The following LY86 variants were observed in gnomAD, a reference collection of about 807,000 sequenced individuals.
The protein encoded by LY86 is lymphocyte antigen 86, also known as MD-1, RP105-associated.
LY86 carries 20 observed loss-of-function variants against 17.3 expected under a neutral mutation model. The ratio of observed to expected loss-of-function variants is 1.15; its 90% CI spans 0.81 to 1.68. The LOEUF (loss-of-function observed/expected upper bound fraction) is 1.68. LY86 is among the 40% of genes most tolerant of loss of function. The pLI, the probability that LY86 is intolerant of heterozygous loss-of-function variation, is 0.00. For synonymous variants in LY86, 74 were observed against 70.6 expected, an observed-to-expected ratio of 1.05 and a Z score of -0.24; for missense variants, 200 against 191.9, an observed-to-expected ratio of 1.04 and a Z score of -0.25.
chr6:6,649,719 TGAAGAA>T, intron 4 of LY86, 42 bp downstream of exon 4: 1 of 1,157,948 alleles, frequency 8.6e-7, no homozygotes, highest in South Asian at 1.3e-5. Context: ...GTTTGTTTCT[TGAAGAA>T]GAAGAAGAAG....
intron 3 of LY86, among the ~76,000 whole-genome samples, chr6:6,649,331 G>A (rs889770520): frequency 1.3e-5 from 2 of 152,218 alleles, no homozygotes; most frequent in African/African-American, 4.8e-5. Context: ...GATTTGAGTG[G>A]GGACATAGCC....
intron 1 of LY86, among the ~76,000 whole-genome samples, chr6:6,621,991 T>C (rs1479984183): frequency 6.6e-6 from 1 of 151,924 alleles, no homozygotes; most frequent in Non-Finnish European, 1.5e-5. Flanking sequence ...AATGTCACTT[T>C]CCCCAAGAGG....
At chr6:6,611,177 CTTGATT>C (rs1422424193) in intron 1 of LY86, among the ~76,000 whole-genome samples, 1 of 152,186 alleles carries the variant, frequency 6.6e-6, no homozygotes, top group Non-Finnish European at 1.5e-5. Context: ...GCACAACTGA[CTTGATT>C]TTATGAAGAG....
chr6:6,600,623 AAAAAAG>A (rs1414220408), intron 1 of LY86, among the ~76,000 whole-genome samples: 2 of 116,856 alleles, frequency 1.7e-5, no homozygotes, highest in African/African-American at 6.4e-5. Flanking sequence ...AAAAAAAAAA[AAAAAAG>A]AAAATATAGC....
chr6:6,626,118 C>G (rs756933024), intron 2 of LY86, among the ~76,000 whole-genome samples, 175 bp from the exon 3 acceptor site: 8 of 152,128 alleles, frequency 5.3e-5, no homozygotes, highest in Non-Finnish European at 7.4e-5. Flanking sequence ...CATCATAATC[C>G]CCTGTAGCAT....
At chr6:6,606,407 C>T (rs1761147314) in intron 1 of LY86, among the ~76,000 whole-genome samples, 1 of 152,246 alleles carries the variant, frequency 6.6e-6, no homozygotes, top group Admixed American at 6.5e-5. Flanking sequence ...CAGCTGGCTT[C>T]ACCCACTGGA....
chr6:6,607,135 G>C (rs914792250), intron 1 of LY86, among the ~76,000 whole-genome samples: 1 of 152,260 alleles, frequency 6.6e-6, no homozygotes, highest in African/African-American at 2.4e-5. Flanking sequence ...AGGGGCTGGT[G>C]AGTGAACATT....
intron 3 of LY86, among the ~76,000 whole-genome samples, chr6:6,630,868 A>C (rs1479108207): frequency 6.6e-6 from 1 of 152,240 alleles, no homozygotes; most frequent in African/African-American, 2.4e-5. Context: ...TCAAAGCTTT[A>C]GTCTTAGAAA....
intron 1 of LY86, among the ~76,000 whole-genome samples, chr6:6,601,598 T>A (rs1760910793): frequency 6.6e-6 from 1 of 152,098 alleles, no homozygotes; most frequent in Admixed American, 6.5e-5. Context: ...TGGGCACCTG[T>A]AGTCCCAGCT....
At chr6:6,603,434 G>A (rs1405722186) in intron 1 of LY86, among the ~76,000 whole-genome samples, 1 of 151,482 alleles carries the variant, frequency 6.6e-6, no homozygotes, top group Non-Finnish European at 1.5e-5. Context: ...AAAAACTTCT[G>A]TCATAAAAAA....
chr6:6,629,576 G>A (rs1461306058), intron 3 of LY86, among the ~76,000 whole-genome samples: 1 of 152,236 alleles, frequency 6.6e-6, no homozygotes, highest in East Asian at 1.9e-4. Flanking sequence ...TGGTGTCACT[G>A]GCAGTTGAGC....
At chr6:6,607,652 C>T (rs1310695712) in intron 1 of LY86, among the ~76,000 whole-genome samples, 1 of 152,036 alleles carries the variant, frequency 6.6e-6, no homozygotes, top group Non-Finnish European at 1.5e-5. Flanking sequence ...GTAATCCCAG[C>T]ACTTTGGGAG....
At chr6:6,635,666 C>T (rs913267295) in intron 3 of LY86, among the ~76,000 whole-genome samples, 5 of 152,296 alleles carry the variant, frequency 3.3e-5, no homozygotes, top group East Asian at 3.9e-4. Context: ...TTTCCATCCC[C>T]GCACTTCATT....
At chr6:6,592,832 A>G (rs369309326) in intron 1 of LY86, among the ~76,000 whole-genome samples, 233 of 152,352 alleles carry the variant, frequency 1.5e-3, no homozygotes, top group Admixed American at 4.2e-3. Flanking sequence ...TGAGAAATCA[A>G]TGTTGGCTGT....
At chr6:6,612,317 T>C (rs1761383737) in intron 1 of LY86, among the ~76,000 whole-genome samples, 1 of 152,226 alleles carries the variant, frequency 6.6e-6, no homozygotes, top group Non-Finnish European at 1.5e-5. Flanking sequence ...ACTTCAGGCG[T>C]GAAACTGCAG....
At chr6:6,599,829 A>T (rs1262479496) in intron 1 of LY86, among the ~76,000 whole-genome samples, 1 of 148,868 alleles carries the variant, frequency 6.7e-6, no homozygotes, top group African/African-American at 2.5e-5. Context: ...CCAGCCAGCC[A>T]GCAGCAGAGC....
At chr6:6,615,819 G>C (rs1224295887) in intron 1 of LY86, among the ~76,000 whole-genome samples, 1 of 151,582 alleles carries the variant, frequency 6.6e-6, no homozygotes, top group Non-Finnish European at 1.5e-5. Context: ...TTGAATCCAG[G>C]AGTTTGATAC....
intron 3 of LY86, among the ~76,000 whole-genome samples, chr6:6,647,137 A>T (rs1223364936): frequency 1.3e-5 from 2 of 152,218 alleles, no homozygotes; most frequent in South Asian, 2.1e-4. Flanking sequence ...CTACAAACGT[A>T]TCTACACCTG....
At chr6:6,607,058 G>T (rs35349549) in intron 1 of LY86, among the ~76,000 whole-genome samples, 16,639 of 152,342 alleles carry the variant, frequency 0.11, 1,012 homozygotes, top group South Asian at 0.16. Context: ...AACACTAGGA[G>T]GGGGTCCCTG....
Sources: allele counts gnomAD v4.1 joint callset (sites outside exome capture counted in the v4.1 genomes callset), GRCh38; gene constraint gnomAD v4.1.1; transcripts MANE v1.5; gene names NCBI Gene and HGNC (gene_info 2026-07-23, HGNC 2026-07-21).